Variants in R3HCC1L observed in about 807,000 individuals in gnomAD.
R3HCC1L encodes coiled-coil domain-containing protein R3HCC1L.
Under a neutral mutation model 59.9 loss-of-function variants are expected in R3HCC1L, and 51 were observed. The observed-to-expected ratio is 0.85, with a 90% confidence interval of 0.68 to 1.07. R3HCC1L has a LOEUF of 1.07. R3HCC1L is among the 50% of genes least tolerant of loss of function. The pLI is 0.00. For synonymous variants in R3HCC1L, 322 were observed against 315.2 expected (o/e 1.02, Z -0.23); for missense variants, 965 against 933.0 (o/e 1.03, Z -0.45).
chr10:98,244,781 G>T lies in R3HCC1L; in HGVS notation c.*623G>T. The T allele has an allele frequency of 6.6e-6, 1 of 152,430 alleles. No homozygotes were observed. The allele number at this position is 152,430 out of a possible 1,614,324, so 9.4% of individuals were successfully genotyped here. A position where few individuals can be genotyped will look rare whatever the true frequency, so the allele number is the denominator to read the frequency against. ...CGCTCCAGCTGCACTGCAGCCAGGG[G>T]GGATACCAGCTTCATTCCTCAGAGT... is the stretch of plus-strand genomic sequence containing the variant. On this transcript the variant is annotated 3_prime_UTR_variant, in exon 10 of 10. Transcript: ENST00000298999.
chr10:98,179,697 C>CT (rs1435272526), intron 4 of R3HCC1L, among the ~76,000 whole-genome samples: 4 of 151,998 alleles, frequency 2.6e-5, no homozygotes, highest in African/African-American at 7.3e-5. Flanking sequence ...TGGTCCTGGA[C>CT]TTTTTTTAGT....
At chr10:98,215,498 C>A (rs939057802) in intron 5 of R3HCC1L, among the ~76,000 whole-genome samples, 2 of 152,172 alleles carry the variant, frequency 1.3e-5, no homozygotes, top group East Asian at 1.9e-4. Context: ...CAATCCAACT[C>A]TTTCTAATAA....
At chr10:98,166,434 C>T (rs1453061184) in intron 4 of R3HCC1L, among the ~76,000 whole-genome samples, 3 of 152,182 alleles carry the variant, frequency 2.0e-5, no homozygotes, top group Non-Finnish European at 2.9e-5. Flanking sequence ...CAAAATAACA[C>T]TCTGACTTTT....
chr10:98,173,706 C>T (rs1339906943), intron 4 of R3HCC1L, among the ~76,000 whole-genome samples: 2 of 152,102 alleles, frequency 1.3e-5, no homozygotes, highest in African/African-American at 2.4e-5. Flanking sequence ...ACCCCTCCCC[C>T]TACTCTTTTT....
At chr10:98,235,372 C>T (rs1856813146) in intron 7 of R3HCC1L, 53 bp from the exon 8 acceptor site, 4 of 1,479,622 alleles carry the variant, frequency 2.7e-6, no homozygotes, top group Admixed American at 1.7e-5. Flanking sequence ...CCTAGTTTTT[C>T]CTTTGCATCA....
rs1268035484 is a variant in R3HCC1L, at chr10:98,244,127, T to C, written c.2306T>C (p.Ile769Thr). The C allele has an allele frequency of 6.2e-7, 1 of 1,614,008 alleles. No individual in the cohort carries two copies. Among genetic ancestry groups the C allele is most frequent in the Admixed American group, 1.7e-5 (1 of 60,026 alleles). Residue 769 changes from isoleucine to threonine, a missense_variant, in exon 10 of 10, where the codon ATC becomes ACC. Transcript: ENST00000298999. ...KRLEAKQRED[I>T]WEGRDQSTV Reference sequence around the variant, plus strand: ...TTGGAAGCCAAGCAACGGGAAGACATCTGGGAAGGCAGAGACCAGTCTACA... The same window carrying C: ...TTGGAAGCCAAGCAACGGGAAGACACCTGGGAAGGCAGAGACCAGTCTACA...
chr10:98,219,933 C>T (rs189539614), intron 5 of R3HCC1L, among the ~76,000 whole-genome samples: 1 of 152,282 alleles, frequency 6.6e-6, no homozygotes, highest in East Asian at 1.9e-4. Context: ...TCTTACAAGA[C>T]TTGGGACATT....
chr10:98,209,995 TAA>T, intron 5 of R3HCC1L, 96 bp downstream of exon 5: 1 of 954,018 alleles, frequency 1.0e-6, no homozygotes, highest in African/African-American at 1.6e-5. Flanking sequence ...CACTGATATT[TAA>T]GAGTTCCTGC....
At chr10:98,210,267 T>C (rs1467980390) in intron 5 of R3HCC1L, among the ~76,000 whole-genome samples, 1 of 152,156 alleles carries the variant, frequency 6.6e-6, no homozygotes, top group African/African-American at 2.4e-5. Flanking sequence ...TTGTTATTTA[T>C]ATTTTATTTT....
chr10:98,202,790 A>G (rs1020780316), intron 4 of R3HCC1L, among the ~76,000 whole-genome samples: 1 of 151,238 alleles, frequency 6.6e-6, no homozygotes, highest in Non-Finnish European at 1.5e-5. Flanking sequence ...TGCGAGGCGG[A>G]GGTTACAGTG....
chr10:98,238,223 T>C (rs1011815372), intron 9 of R3HCC1L, among the ~76,000 whole-genome samples: 10 of 152,246 alleles, frequency 6.6e-5, no homozygotes, highest in African/African-American at 2.2e-4. Flanking sequence ...ACTCTTTTTA[T>C]TTTAAAATTC....
At chr10:98,211,406 C>T in intron 5 of R3HCC1L, 1 of 1,481,900 alleles carries the variant, frequency 6.7e-7, no homozygotes, top group East Asian at 2.5e-5. Flanking sequence ...GACTGTCAGC[C>T]CATAATTAGA....
intron 1 of R3HCC1L, among the ~76,000 whole-genome samples, chr10:98,155,696 C>T (rs1349087755): frequency 6.6e-6 from 1 of 152,062 alleles, no homozygotes; most frequent in South Asian, 2.1e-4. Context: ...CTCTAGTCCT[C>T]TCCCTAAAAG....
At chr10:98,203,133 G>T (rs2135146405) in intron 4 of R3HCC1L, among the ~76,000 whole-genome samples, 1 of 152,256 alleles carries the variant, frequency 6.6e-6, no homozygotes, top group Non-Finnish European at 1.5e-5. Flanking sequence ...TATTATGGCT[G>T]CATAAGAGAA....
At chr10:98,224,707 T>C (rs1590791577) in intron 5 of R3HCC1L, among the ~76,000 whole-genome samples, 1 of 152,374 alleles carries the variant, frequency 6.6e-6, no homozygotes, top group Non-Finnish European at 1.5e-5. Flanking sequence ...GAATCATTTG[T>C]AAACTTTCCC....
At chr10:98,176,161 T>TA (rs1447257089) in intron 4 of R3HCC1L, among the ~76,000 whole-genome samples, 7 of 152,172 alleles carry the variant, frequency 4.6e-5, no homozygotes, top group African/African-American at 9.6e-5. Flanking sequence ...ATGTGACACT[T>TA]ACCTGAGATT....
At chr10:98,185,278 G>A (rs184417157) in intron 4 of R3HCC1L, among the ~76,000 whole-genome samples, 3 of 152,224 alleles carry the variant, frequency 2.0e-5, no homozygotes, top group African/African-American at 7.2e-5. Context: ...GCTCAGTGTT[G>A]GGGGATATAG....
At chr10:98,183,550 T>G (rs1343641924) in intron 4 of R3HCC1L, among the ~76,000 whole-genome samples, 1 of 152,170 alleles carries the variant, frequency 6.6e-6, no homozygotes, top group Non-Finnish European at 1.5e-5. Context: ...ATATTTTGTT[T>G]CTGTCTTATT....
At position 98,162,131 on chromosome 10, in the gene R3HCC1L, T is replaced by A. The variant is rs375883598; in HGVS notation, c.-212-752T>A. On this transcript the variant is annotated intron_variant, in intron 2 of 9. Transcript: ENST00000298999. The stretch of plus-strand genomic sequence containing the variant: ...TTTTTTTTCAGCTCAATAATATGCC[T>A]TGTAGATCTTTCTTTTGTATGTCTG... Among the ~76,000 whole-genome samples, 5 of 152,238 alleles carry A rather than the reference T, an allele frequency of 3.3e-5. No homozygotes were observed. In the South Asian group the frequency reaches 1.0e-3, roughly 32 times the overall value.
Sources: allele counts gnomAD v4.1 joint callset (sites outside exome capture counted in the v4.1 genomes callset), GRCh38; gene constraint gnomAD v4.1.1; transcripts MANE v1.5; gene names NCBI Gene and HGNC (gene_info 2026-07-23, HGNC 2026-07-21).